Variants in MAGI2 observed in about 807,000 individuals in gnomAD.
MAGI2 encodes the protein membrane associated guanylate kinase, WW and PDZ domain containing 2, also known as membrane-associated guanylate kinase, WW and PDZ domain-containing protein 2.
In MAGI2, 35 loss-of-function variants were observed where a neutral mutation model predicts 133.3. That is an observed-to-expected ratio of 0.26 (90% CI 0.20 to 0.35). MAGI2 has a LOEUF of 0.35. Among genes scored for constraint, MAGI2 ranks in the 10% least tolerant of loss-of-function variants. The pLI is 1.00. For synonymous variants in MAGI2, 729 were observed against 710.6 expected (o/e 1.03, Z -0.41); for missense variants, 1,636 against 1,863.4 (o/e 0.88, Z 2.25).
chr7:78,701,765 G>T (rs1023083791), intron 2 of MAGI2, among the ~76,000 whole-genome samples: 1 of 151,820 alleles, frequency 6.6e-6, no homozygotes, highest in Non-Finnish European at 1.5e-5. Flanking sequence ...AGCTATACTT[G>T]TTTATTCTCC....
At chr7:79,211,943 A>G (rs961055531) in intron 1 of MAGI2, among the ~76,000 whole-genome samples, 3 of 151,968 alleles carry the variant, frequency 2.0e-5, no homozygotes, top group African/African-American at 7.3e-5. Flanking sequence ...CTTGTGTAAT[A>G]ATACCTGTGC....
At chr7:78,060,254 C>CCA (rs3084736) in intron 21 of MAGI2, among the ~76,000 whole-genome samples, 3 of 136,700 alleles carry the variant, frequency 2.2e-5, no homozygotes, top group African/African-American at 5.8e-5. Context: ...ACCCCCCCCC[C>CCA]TCTTTAGATT....
intron 5 of MAGI2, among the ~76,000 whole-genome samples, chr7:78,492,668 G>A (rs1166640328): frequency 1.3e-5 from 2 of 152,154 alleles, no homozygotes; most frequent in East Asian, 3.9e-4. Flanking sequence ...TCAAGTTTAA[G>A]GAGGGTATTT....
chr7:78,319,311 A>T (rs1306160939), intron 9 of MAGI2, among the ~76,000 whole-genome samples: 1 of 151,910 alleles, frequency 6.6e-6, no homozygotes, highest in Admixed American at 6.6e-5. Flanking sequence ...AACAAAAAAC[A>T]AACAAACAAA....
intron 2 of MAGI2, among the ~76,000 whole-genome samples, chr7:78,897,412 T>G (rs1797294127): frequency 6.6e-6 from 1 of 152,148 alleles, no homozygotes; most frequent in African/African-American, 2.4e-5. Context: ...AATCCAACAG[T>G]GTCAGAGGCA....
chr7:79,297,426 A>C (rs183153529), intron 1 of MAGI2, among the ~76,000 whole-genome samples: 3 of 152,298 alleles, frequency 2.0e-5, no homozygotes, highest in Non-Finnish European at 4.4e-5. Context: ...ACAGTCATTT[A>C]CAGGCTCTTC....
chr7:79,235,011 C>T (rs1831755188), intron 1 of MAGI2, among the ~76,000 whole-genome samples: 1 of 151,684 alleles, frequency 6.6e-6, no homozygotes, highest in Non-Finnish European at 1.5e-5. Flanking sequence ...TTCCTTCTAA[C>T]AGACAGTATC....
chr7:78,530,053 G>A (rs897224561), intron 3 of MAGI2, among the ~76,000 whole-genome samples: 13 of 152,052 alleles, frequency 8.5e-5, no homozygotes, highest in Non-Finnish European at 1.6e-4. Context: ...GTTACTAGCA[G>A]CTGCTATACT....
At chr7:78,339,767 C>T (rs1790157796) in intron 9 of MAGI2, among the ~76,000 whole-genome samples, 1 of 152,146 alleles carries the variant, frequency 6.6e-6, no homozygotes, top group Non-Finnish European at 1.5e-5. Flanking sequence ...GAGTTGGACA[C>T]CCTCTAACTC....
chr7:78,019,281 G>A lies in MAGI2; in HGVS notation c.*34C>T. 1.3e-6 allele frequency: 2 copies of A among 1,574,672 alleles called. No individual in the cohort carries two copies. Among genetic ancestry groups the A allele is most frequent in the Admixed American group, 1.7e-5 (1 of 57,188 alleles). ...ACGGAACCTAAGAAGAACTGCCTGC[G>A]CCGGGGCGGGCGGGTTGGCCGTGGC... On this transcript the variant is annotated 3_prime_UTR_variant, in exon 22 of 22. Coordinates refer to ENST00000354212, the MANE Select transcript of MAGI2 (RefSeq NM_012301.4).
At chr7:79,318,258 C>T (rs1838896409) in intron 1 of MAGI2, among the ~76,000 whole-genome samples, 1 of 152,030 alleles carries the variant, frequency 6.6e-6, no homozygotes, top group Admixed American at 6.6e-5. Context: ...AAAATGTCAA[C>T]ACCACAACAC....
At chr7:78,101,012 A>G (rs1818167207) in intron 20 of MAGI2, among the ~76,000 whole-genome samples, 1 of 152,142 alleles carries the variant, frequency 6.6e-6, no homozygotes, top group African/African-American at 2.4e-5. Flanking sequence ...TGAATGATCC[A>G]TATACTGAAA....
intron 2 of MAGI2, among the ~76,000 whole-genome samples, chr7:78,908,418 G>A (rs749124269): frequency 6.6e-6 from 1 of 152,144 alleles, no homozygotes; most frequent in Non-Finnish European, 1.5e-5. Context: ...CTGGGGAGTT[G>A]GCCAGACAGA....
chr7:78,687,943 C>A (rs1816519626), intron 2 of MAGI2, among the ~76,000 whole-genome samples: 1 of 121,696 alleles, frequency 8.2e-6, no homozygotes, highest in South Asian at 2.9e-4. Flanking sequence ...GTACTCCAGT[C>A]TGGGCAAGAG....
chr7:79,337,542 A>G (rs1840523660), intron 1 of MAGI2, among the ~76,000 whole-genome samples: 1 of 152,216 alleles, frequency 6.6e-6, no homozygotes, highest in Non-Finnish European at 1.5e-5. Flanking sequence ...TAATCTGAGC[A>G]GTTGGTTCAA....
At chr7:78,261,565 G>A (rs1251209552) in intron 9 of MAGI2, among the ~76,000 whole-genome samples, 2 of 152,106 alleles carry the variant, frequency 1.3e-5, no homozygotes. Context: ...CTGAATAAAG[G>A]ATGGAAAGAT....
chr7:78,897,494 C>T (rs1410177619), intron 2 of MAGI2, among the ~76,000 whole-genome samples: 1 of 152,106 alleles, frequency 6.6e-6, no homozygotes, highest in Non-Finnish European at 1.5e-5. Context: ...CTGTGTTAAA[C>T]ATAACCATTA....
At chr7:78,856,046 T>C (rs1793608931) in intron 2 of MAGI2, among the ~76,000 whole-genome samples, 2 of 152,232 alleles carry the variant, frequency 1.3e-5, no homozygotes, top group African/African-American at 4.8e-5. Flanking sequence ...TGCATAAATG[T>C]CTTCTTTTGA....
At chr7:79,060,550 T>G (rs1475360806) in intron 1 of MAGI2, among the ~76,000 whole-genome samples, 1 of 152,054 alleles carries the variant, frequency 6.6e-6, no homozygotes, top group Non-Finnish European at 1.5e-5. Flanking sequence ...GATTCTGTAA[T>G]AGGCCACATG....
Sources: gnomAD v4.1 joint callset for allele counts (sites outside exome capture counted in the v4.1 genomes callset) on GRCh38, gnomAD v4.1.1 for gene constraint, MANE v1.5 for transcripts, NCBI Gene and HGNC (gene_info 2026-07-23, HGNC 2026-07-21) for gene names.